Variants in GRID2 observed in about 807,000 individuals in gnomAD.
GRID2 encodes glutamate receptor ionotropic, delta-2.
In GRID2, 33 loss-of-function variants were observed where a neutral mutation model predicts 114.8. The observed-to-expected ratio is 0.29, with a 90% CI of 0.22 to 0.38. The LOEUF (loss-of-function observed/expected upper bound fraction) is 0.38. Among genes scored for constraint, GRID2 ranks in the 10% least tolerant of loss-of-function variants. The pLI, the probability that GRID2 is intolerant of heterozygous loss-of-function variation, is 1.00. For synonymous variants in GRID2, 505 were observed against 449.9 expected, an observed-to-expected ratio of 1.12 and a Z score of -1.55; for missense variants, 1,184 against 1,257.7, an observed-to-expected ratio of 0.94 and a Z score of 0.89.
At chr4:92,843,585 A>G (rs533509663) in intron 2 of GRID2, among the ~76,000 whole-genome samples, 1 of 152,110 alleles carries the variant, frequency 6.6e-6, no homozygotes, top group African/African-American at 2.4e-5. Context: ...ATACAATATC[A>G]TGAGAAGATA....
intron 2 of GRID2, among the ~76,000 whole-genome samples, chr4:92,677,494 G>A (rs573878093): frequency 4.5e-4 from 68 of 151,994 alleles, no homozygotes; most frequent in Non-Finnish European, 9.0e-4. Flanking sequence ...ATATCCACTG[G>A]CCTCTTTCTC....
chr4:93,596,577 T>TA lies in GRID2; in HGVS notation c.2194-29682dup, dbSNP rs990771610. On this transcript the variant is annotated intron_variant, in intron 13 of 15. Transcript: ENST00000282020. ...TGGGCGACAGAGTGAGACTCGGTCT[T>TA]AAAAAAAAAAGAAAAAGAAAAAAAG... is the stretch of plus-strand genomic sequence containing the variant. Among the ~76,000 whole-genome samples the TA allele has an allele frequency of 1.7e-3, 250 of 146,564 alleles. 2 individuals are homozygous for TA. Among genetic ancestry groups the TA allele is most frequent in the Non-Finnish European group, 1.1e-3 (72 of 66,274 alleles).
At chr4:92,703,716 C>A (rs1011445675) in intron 2 of GRID2, among the ~76,000 whole-genome samples, 7 of 150,702 alleles carry the variant, frequency 4.6e-5, no homozygotes, top group Non-Finnish European at 8.9e-5. Context: ...TGATGCATTC[C>A]ATTAATTGAT....
chr4:92,908,306 T>A (rs1224686200), intron 2 of GRID2, among the ~76,000 whole-genome samples: 1 of 152,168 alleles, frequency 6.6e-6, no homozygotes, highest in East Asian at 1.9e-4. Flanking sequence ...AACAATAAAT[T>A]ATTCCTACTC....
chr4:93,324,077 A>G (rs970976887), intron 8 of GRID2, among the ~76,000 whole-genome samples: 3 of 152,150 alleles, frequency 2.0e-5, no homozygotes, highest in African/African-American at 7.2e-5. Flanking sequence ...AGAACTTCCA[A>G]CACTATGTTG....
intron 2 of GRID2, among the ~76,000 whole-genome samples, chr4:92,835,114 T>C (rs1490113665): frequency 2.7e-5 from 4 of 150,938 alleles, no homozygotes; most frequent in Non-Finnish European, 5.9e-5. Context: ...CAGTGCTCAA[T>C]GGAAAGTAAA....
At chr4:92,620,070 A>G (rs1453727958) in intron 2 of GRID2, among the ~76,000 whole-genome samples, 1 of 151,776 alleles carries the variant, frequency 6.6e-6, no homozygotes, top group Non-Finnish European at 1.5e-5. Context: ...GGTAGATAAC[A>G]GCCAATAGTG....
At chr4:93,267,496 C>T (rs1750984886) in intron 8 of GRID2, among the ~76,000 whole-genome samples, 1 of 152,188 alleles carries the variant, frequency 6.6e-6, no homozygotes, top group Admixed American at 6.5e-5. Context: ...ATATTGGGAC[C>T]TGATGCACTG....
In GRID2 at chr4:92,494,469, A is replaced by G. The variant is rs138716617; in HGVS notation, c.89-95662A>G. Among the ~76,000 whole-genome samples the G allele has an allele frequency of 4.5e-3, 682 of 152,096 alleles. 4 individuals are homozygous for G. The highest frequency in any genetic ancestry group is 0.016 in the African/African-American group (659 of 41,544). ...ACATTTAGTGTGTTTCTTATTTTAC[A>G]TGTCACATGAGAAAAATAATATTGT... On this transcript the variant is annotated intron_variant, in intron 1 of 15. Transcript: ENST00000282020.
chr4:93,593,368 T>C (rs557770046), intron 13 of GRID2, among the ~76,000 whole-genome samples: 1 of 137,022 alleles, frequency 7.3e-6, no homozygotes, highest in East Asian at 2.1e-4. Flanking sequence ...TCTTTAAGAA[T>C]GTTGAATATT....
intron 1 of GRID2, 75 bp from the exon 2 acceptor site, chr4:92,590,056 C>A: frequency 1.0e-6 from 1 of 984,130 alleles, no homozygotes; most frequent in Non-Finnish European, 1.6e-6. Context: ...ACACATAAGT[C>A]TCCTTGTCAT....
At chr4:93,131,861 T>A (rs1476675107) in intron 4 of GRID2, among the ~76,000 whole-genome samples, 3 of 152,192 alleles carry the variant, frequency 2.0e-5, no homozygotes, top group African/African-American at 7.2e-5. Flanking sequence ...TTCCTATGTA[T>A]ACAACTAGCA....
At chr4:92,560,840 G>T (rs548363241) in intron 1 of GRID2, among the ~76,000 whole-genome samples, 217 of 152,150 alleles carry the variant, frequency 1.4e-3, no homozygotes, top group Non-Finnish European at 1.9e-3. Flanking sequence ...CCAAGTGGCT[G>T]GGATTACAGG....
intron 2 of GRID2, among the ~76,000 whole-genome samples, chr4:93,059,679 G>A (rs1033517145): frequency 4.6e-5 from 7 of 151,648 alleles, no homozygotes; most frequent in Admixed American, 3.3e-4. Context: ...TTAGTTTAAC[G>A]TTTTTCTGTT....
At chr4:92,843,074 A>G (rs1298329466) in intron 2 of GRID2, among the ~76,000 whole-genome samples, 3 of 151,974 alleles carry the variant, frequency 2.0e-5, no homozygotes, top group Non-Finnish European at 2.9e-5. Flanking sequence ...CCCCATATAT[A>G]CAAAAAATAA....
chr4:93,258,516 G>A (rs1038754753), intron 8 of GRID2, among the ~76,000 whole-genome samples: 64 of 151,446 alleles, frequency 4.2e-4, no homozygotes, highest in African/African-American at 1.5e-3. Flanking sequence ...GGAAAAAATG[G>A]AGGTGTTTTA....
intron 8 of GRID2, among the ~76,000 whole-genome samples, chr4:93,368,191 GAC>G (rs1163249490): frequency 2.0e-5 from 3 of 152,044 alleles, no homozygotes; most frequent in Non-Finnish European, 4.4e-5. Flanking sequence ...CCAATAAAGT[GAC>G]AGTTAATTCT....
chr4:92,635,656 A>G (rs780995754), intron 2 of GRID2, among the ~76,000 whole-genome samples: 2 of 152,108 alleles, frequency 1.3e-5, no homozygotes, highest in Non-Finnish European at 2.9e-5. Context: ...CCAGGGTAAA[A>G]ATCCTTACAA....
intron 1 of GRID2, among the ~76,000 whole-genome samples, chr4:92,477,733 C>G (rs1376779266): frequency 6.8e-6 from 1 of 148,066 alleles, no homozygotes; most frequent in Non-Finnish European, 1.5e-5. Flanking sequence ...ATCAATTAAA[C>G]AGGGTATATA....
Sources: allele counts gnomAD v4.1 joint callset (sites outside exome capture counted in the v4.1 genomes callset), GRCh38; gene constraint gnomAD v4.1.1; transcripts MANE v1.5; gene names NCBI Gene and HGNC (gene_info 2026-07-23, HGNC 2026-07-21).